Variants in ATP6V0A4 observed in about 807,000 individuals in gnomAD.
ATP6V0A4 encodes the protein ATPase H+ transporting V0 subunit a4, also known as V-type proton ATPase 116 kDa subunit a 4.
Under a neutral mutation model 107.3 loss-of-function variants are expected in ATP6V0A4, and 86 were observed. The ratio of observed to expected loss-of-function variants is 0.80; its 90% confidence interval spans 0.67 to 0.96. ATP6V0A4 has a LOEUF of 0.96. ATP6V0A4 is among the 40% of genes least tolerant of loss of function. The pLI, the probability that ATP6V0A4 is intolerant of heterozygous loss-of-function variation, is 0.00. For synonymous variants in ATP6V0A4, 353 were observed against 381.4 expected (o/e 0.93, Z 0.87); for missense variants, 908 against 1,045.6 (o/e 0.87, Z 1.81).
At chr7:138,717,680 G>A (rs1395749257) in intron 19 of ATP6V0A4, among the ~76,000 whole-genome samples, 1 of 152,194 alleles carries the variant, frequency 6.6e-6, no homozygotes, top group Non-Finnish European at 1.5e-5. Flanking sequence ...GGCCAAGGCA[G>A]GTGGGTGACT....
chr7:138,753,893 C>T (rs1231203617), intron 10 of ATP6V0A4, among the ~76,000 whole-genome samples: 1 of 152,156 alleles, frequency 6.6e-6, no homozygotes, highest in East Asian at 1.9e-4. Context: ...CAGACAGTGT[C>T]TAAGATTCAT....
intron 8 of ATP6V0A4, among the ~76,000 whole-genome samples, chr7:138,759,257 G>A (rs1462931301): frequency 1.3e-5 from 2 of 151,418 alleles, no homozygotes; most frequent in Non-Finnish European, 2.9e-5. Flanking sequence ...TTCTTGCTAT[G>A]TTGCCCAGGC....
chr7:138,761,363 G>A (rs991077005), intron 7 of ATP6V0A4, among the ~76,000 whole-genome samples: 2 of 151,566 alleles, frequency 1.3e-5, no homozygotes, highest in Admixed American at 6.6e-5. Context: ...GGCCAGGTGC[G>A]GTGGATCACA....
chr7:138,709,157 C>T (rs1584883197), intron 21 of ATP6V0A4, among the ~76,000 whole-genome samples: 1 of 132,736 alleles, frequency 7.5e-6, no homozygotes, highest in Non-Finnish European at 1.5e-5. Flanking sequence ...TGCAGTGAGC[C>T]AAGATTGCAC....
At chr7:138,716,212 C>T (rs1488779940) in intron 19 of ATP6V0A4, among the ~76,000 whole-genome samples, 1 of 152,100 alleles carries the variant, frequency 6.6e-6, no homozygotes, top group Non-Finnish European at 1.5e-5. Flanking sequence ...CAAAAGGATC[C>T]CTGGTTGGGA....
intron 1 of ATP6V0A4, among the ~76,000 whole-genome samples, chr7:138,788,679 C>T (rs2130217380): frequency 1.3e-5 from 2 of 152,308 alleles, no homozygotes; most frequent in South Asian, 4.1e-4. Context: ...CCATAATTCC[C>T]ACTTGTTGTG....
chr7:138,750,620 C>T (rs1054891853), intron 11 of ATP6V0A4, among the ~76,000 whole-genome samples: 7 of 152,328 alleles, frequency 4.6e-5, no homozygotes, highest in East Asian at 1.9e-4. Context: ...ACCAGCTGGA[C>T]GAGTGCTCAC....
chr7:138,756,747 A>G (rs970390420), intron 8 of ATP6V0A4: 1 of 224,472 alleles, frequency 4.5e-6, no homozygotes, highest in African/African-American at 2.4e-5. Flanking sequence ...ATGCAGCCTT[A>G]AGGTGACAGG....
chr7:138,751,759 A>G (rs925756744), intron 11 of ATP6V0A4, among the ~76,000 whole-genome samples: 2 of 152,042 alleles, frequency 1.3e-5, no homozygotes, highest in African/African-American at 4.8e-5. Context: ...CGATCTACAT[A>G]TTTTGGCTCT....
At chr7:138,797,823 G>A (rs1482651086) in intron 1 of ATP6V0A4, 1 of 544,472 alleles carries the variant, frequency 1.8e-6, no homozygotes, top group East Asian at 3.7e-5. Flanking sequence ...TTCTCAATAA[G>A]GACAATATTT....
At chr7:138,780,699 T>C (rs190702824) in intron 2 of ATP6V0A4, among the ~76,000 whole-genome samples, 181 of 151,754 alleles carry the variant, frequency 1.2e-3, no homozygotes, top group African/African-American at 4.2e-3. Flanking sequence ...GGAAAGAGAG[T>C]TTGAGACCAA....
intron 19 of ATP6V0A4, among the ~76,000 whole-genome samples, chr7:138,720,829 G>A (rs1804390846): frequency 1.3e-5 from 2 of 152,046 alleles, no homozygotes; most frequent in African/African-American, 2.4e-5. Context: ...TAGAGACAGG[G>A]TTTCACCATG....
At chr7:138,782,170 G>GC (rs1392980802) in intron 2 of ATP6V0A4, among the ~76,000 whole-genome samples, 1 of 152,174 alleles carries the variant, frequency 6.6e-6, no homozygotes, top group Non-Finnish European at 1.5e-5. Context: ...AAGATGCCAC[G>GC]CAAGGCTGGT....
At chr7:138,756,054 C>G in intron 9 of ATP6V0A4, 1 of 574,726 alleles carries the variant, frequency 1.7e-6, no homozygotes, top group Non-Finnish European at 3.0e-6. Context: ...AGACTGCAAG[C>G]TGGGCTTGCC....
chr7:138,721,651 G>A (rs1804427436), intron 19 of ATP6V0A4, among the ~76,000 whole-genome samples: 1 of 152,180 alleles, frequency 6.6e-6, no homozygotes. Flanking sequence ...GACACATACA[G>A]ATGCAGCGGT....
Position 138,762,957 on chromosome 7 carries a change from G to A in ATP6V0A4, c.360C>T (p.Ser120=). 1 of 1,614,152 alleles carries A rather than the reference G, an allele frequency of 6.2e-7. No individual in the cohort carries two copies. The highest frequency in any genetic ancestry group is 1.3e-5 in the African/African-American group (1 of 75,026). The change falls in exon 6 of 22, where the codon AGC becomes AGT. Residue 120 remains serine, a synonymous_variant. Coordinates refer to ENST00000310018, the MANE Select transcript of ATP6V0A4 (RefSeq NM_020632.3). ...ATTTCAGTTCTGTCAGTTCTAGGAA[G>A]CTTTGTTTCAAGGCCTGCTGGTTCT... is the stretch of plus-strand genomic sequence containing the variant. ...ANQNQQALKQ[S]FLELTELKYL... is the part of the protein sequence containing the mutation.
chr7:138,747,353 T>C lies in ATP6V0A4; in HGVS notation c.1320+72A>G, dbSNP rs1163649163. ...ATTTTTCATAAAAATGTGTTATTTCTATGGTGAAAACCACATACAGATTTT... is the reference window on the plus strand; with the variant it reads ...ATTTTTCATAAAAATGTGTTATTTCCATGGTGAAAACCACATACAGATTTT... On this transcript the variant is annotated intron_variant, in intron 13 of 21. Transcript: ENST00000310018. The C allele has an allele frequency of 1.9e-6, 3 of 1,544,198 alleles. No homozygotes were observed. In the Admixed American group the frequency reaches 5.0e-5, roughly 26 times the overall value.
chr7:138,728,924 GATGAAA>G, intron 17 of ATP6V0A4, 62 bp from the exon 18 acceptor site: 1 of 1,612,182 alleles, frequency 6.2e-7, no homozygotes, highest in Non-Finnish European at 8.5e-7. Context: ...CACTTTACGT[GATGAAA>G]ATGACCACTA....
chr7:138,722,276 G>A (rs1426271560), intron 18 of ATP6V0A4, among the ~76,000 whole-genome samples: 3 of 151,804 alleles, frequency 2.0e-5, no homozygotes, highest in Non-Finnish European at 2.9e-5. Flanking sequence ...TGTAGTGAGC[G>A]GACATTGTGC....
Sources: gnomAD v4.1 joint callset for allele counts (sites outside exome capture counted in the v4.1 genomes callset) on GRCh38, gnomAD v4.1.1 for gene constraint, MANE v1.5 for transcripts, NCBI Gene and HGNC (gene_info 2026-07-23, HGNC 2026-07-21) for gene names.